Variants in XIST observed in about 807,000 individuals in gnomAD.
XIST encodes the protein X inactive specific transcript (non-protein coding).
chrX:73,832,146 C>A (rs768236193), intron 3 of XIST, among the ~76,000 whole-genome samples: 4 of 111,439 alleles, frequency 3.6e-5, no homozygotes, highest in Non-Finnish European at 7.5e-5. Flanking sequence ...ACCAGCCTGA[C>A]CAACATGGAG....
chrX:73,826,949 C>G (rs368070372), exon 6 of XIST: 1 of 556,752 alleles, frequency 1.8e-6, no homozygotes. Flanking sequence ...CTCAGGCCTT[C>G]GGTCCAATTC....
chrX:73,829,409 A>G (rs998565957), intron 4 of XIST: 2 of 390,461 alleles, frequency 5.1e-6, no homozygotes, highest in African/African-American at 5.1e-5. Context: ...AGAATAGGAA[A>G]CTGGCATAAA....
exon 1 of XIST, chrX:73,848,253 C>T (rs778755567): frequency 7.2e-6 from 4 of 555,961 alleles, no homozygotes; most frequent in Non-Finnish European, 1.3e-5. Context: ...GGGGATGAGA[C>T]CCCAGACTAA....
At chrX:73,849,119 G>A in exon 1 of XIST, 1 of 559,175 alleles carries the variant, frequency 1.8e-6, no homozygotes, top group Admixed American at 2.2e-5. Flanking sequence ...AGTCAGCGCT[G>A]CCTCAAGGCA....
exon 1 of XIST, chrX:73,849,106 G>A (rs1407714481): frequency 7.2e-6 from 4 of 557,603 alleles, no homozygotes; most frequent in Admixed American, 6.7e-5. Context: ...TTAAATCTCA[G>A]GTAGTCAGCG....
At chrX:73,841,201 CAT>C in intron 1 of XIST, 1 of 338,298 alleles carries the variant, frequency 3.0e-6, no homozygotes, top group South Asian at 1.1e-4. Context: ...GGTTAACTCA[CAT>C]ATGTGTATTT....
chrX:73,825,732 CCT>C lies in XIST; in HGVS notation n.14167_14168del, dbSNP rs780840002. ...ACCCCTTACAGAAAAACTGTGGACC[CCT>C]GATTTACATAATGCTTCACAATTTA... On this transcript the variant is annotated non_coding_transcript_exon_variant, in exon 6 of 6. Coordinates refer to ENST00000429829, the Ensembl canonical transcript of XIST. 12 of 513,345 alleles carry C rather than the reference CCT, an allele frequency of 2.3e-5. No individual in the cohort carries two copies. In the East Asian group the frequency reaches 3.3e-4, roughly 14 times the overall value. The allele number at this position is 513,345 out of a possible 1,213,427, so 42.3% of individuals were successfully genotyped here. A position where few individuals can be genotyped will look rare whatever the true frequency, so the allele number is the denominator to read the frequency against.
chrX:73,821,769 C>T lies in XIST; in HGVS notation n.18132G>A, dbSNP rs748036139. Reference sequence around the variant, plus strand: ...TTAGAGAAATTTTAAAAAAATTTTTCCTTTCAATTTTGGCCAATTATTTCC... The same window carrying T: ...TTAGAGAAATTTTAAAAAAATTTTTTCTTTCAATTTTGGCCAATTATTTCC... On this transcript the variant is annotated non_coding_transcript_exon_variant, in exon 6 of 6. Transcript: ENST00000429829. 2.3e-5 allele frequency: 12 copies of T among 512,187 alleles called. No individual in the cohort carries two copies. In the South Asian group the frequency reaches 2.8e-4, roughly 12 times the overall value. The allele number at this position is 512,187 out of a possible 1,213,427, so 42.2% of individuals were successfully genotyped here.
chrX:73,841,601 G>A, exon 1 of XIST: 1 of 558,492 alleles, frequency 1.8e-6, no homozygotes, highest in Non-Finnish European at 3.2e-6. Context: ...ACTAGTGGCT[G>A]GGATATTATT....
At chrX:73,832,322 G>A (rs1374729587) in intron 3 of XIST, among the ~76,000 whole-genome samples, 4 of 105,036 alleles carry the variant, frequency 3.8e-5, no homozygotes, top group Admixed American at 2.0e-4. Context: ...CAACAAGAGC[G>A]AAACTGCGAA....
chrX:73,833,098 T>TC (rs933542221), intron 3 of XIST: 13 of 423,844 alleles, frequency 3.1e-5, no homozygotes, highest in Admixed American at 2.8e-4. Flanking sequence ...CCTCAAGTGA[T>TC]CCCCCCACCT....
rs935390878 is a variant in XIST at position 73,828,057 on chromosome X, G to A, written n.11917-73C>T. Reference sequence around the variant, plus strand: ...AGTAGAAGAGGCAAGATACAGTGAGGGGCACAAGAGGCATGAAAAGCATCA... The same window carrying A: ...AGTAGAAGAGGCAAGATACAGTGAGAGGCACAAGAGGCATGAAAAGCATCA... On this transcript the variant is annotated intron_variant and non_coding_transcript_variant, in intron 5 of 5. Coordinates refer to ENST00000429829, the Ensembl canonical transcript of XIST. 9.1e-6 allele frequency: 4 copies of A among 441,923 alleles called. No homozygotes were observed. The African/African-American group carries it at 1.0e-4, about 11-fold the overall frequency. The allele number at this position is 441,923 out of a possible 1,213,427, so 36.4% of individuals were successfully genotyped here. A position where few individuals can be genotyped will look rare whatever the true frequency, so the allele number is the denominator to read the frequency against.
chrX:73,827,237 C>T (rs781177871), exon 6 of XIST: 2 of 556,394 alleles, frequency 3.6e-6, no homozygotes, highest in African/African-American at 2.3e-5. Context: ...CTCTGATAGC[C>T]GACGTTCTGC....
At chrX:73,848,571 G>A (rs1204940039) in exon 1 of XIST, 3 of 557,687 alleles carry the variant, frequency 5.4e-6, no homozygotes, top group Non-Finnish European at 9.7e-6. Flanking sequence ...GTGCAAATAG[G>A]ATACAGAGTC....
At position 73,824,104 on chromosome X, in the gene XIST, G is replaced by A. The variant is rs746923777; in HGVS notation, n.15797C>T. 33 of 545,677 alleles carry A rather than the reference G, an allele frequency of 6.0e-5. No homozygotes were observed. The East Asian group carries it at 1.0e-3, about 17-fold the overall frequency. 45.0% of individuals were successfully genotyped at this position (545,677 alleles called of 1,213,427 possible). A position where few individuals can be genotyped will look rare whatever the true frequency, so the allele number is the denominator to read the frequency against. On this transcript the variant is annotated non_coding_transcript_exon_variant, in exon 6 of 6. Transcript: ENST00000429829. ...CATTCAGCAGATATAGCTTATATATGGGTGGCAGTTTACAAATTATAAATT... is the reference window on the plus strand; with the variant it reads ...CATTCAGCAGATATAGCTTATATATAGGTGGCAGTTTACAAATTATAAATT...
At chrX:73,832,882 T>C in intron 3 of XIST, among the ~76,000 whole-genome samples, 1 of 110,956 alleles carries the variant, frequency 9.0e-6, no homozygotes, top group Non-Finnish European at 1.9e-5. Context: ...GCTCACGTTC[T>C]GCTTTTCTTT....
rs888803218 is a variant in XIST, at chrX:73,840,426, A to G, written n.11342+956T>C. 2.7e-5 allele frequency among the ~76,000 whole-genome samples: 3 copies of G among 111,523 alleles called. No individual in the cohort carries two copies. In the Admixed American group the frequency reaches 2.9e-4, roughly 11 times the overall value. ...TTGTTGCTCCTGCTGTGATGCATGA[A>G]TGTGCACCAGAAAAAAAGTTTCGAA... On this transcript the variant is annotated intron_variant and non_coding_transcript_variant, in intron 1 of 5. Coordinates refer to ENST00000429829, the Ensembl canonical transcript of XIST.
At chrX:73,850,457 C>A in exon 1 of XIST, 1 of 545,345 alleles carries the variant, frequency 1.8e-6, no homozygotes. Context: ...CAAAATCAGA[C>A]TGTATGACTG....
At chrX:73,827,209 A>G (rs973024581) in exon 6 of XIST, 8 of 556,339 alleles carry the variant, frequency 1.4e-5, no homozygotes, top group Non-Finnish European at 2.3e-5. Context: ...GGCATAAGGA[A>G]CCGCTCCACA....
Sources: gnomAD v4.1 joint callset for allele counts (sites outside exome capture counted in the v4.1 genomes callset) on GRCh38, gnomAD v4.1.1 for gene constraint, MANE v1.5 for transcripts, NCBI Gene and HGNC (gene_info 2026-07-23, HGNC 2026-07-21) for gene names.